PLEKHB2: variants seen among roughly 807,000 people sequenced by gnomAD.
PLEKHB2 encodes the protein pleckstrin homology domain containing B2, also known as pleckstrin homology domain-containing family B member 2.
Under a neutral mutation model 36.5 loss-of-function variants are expected in PLEKHB2, and 31 were observed. That is an observed-to-expected ratio of 0.85 (90% confidence interval 0.64 to 1.15). The LOEUF is 1.15. Among genes scored for constraint, PLEKHB2 ranks in the 50% most tolerant of loss-of-function variants. The probability of loss-of-function intolerance (pLI) is 0.00; values close to 1 mark genes in which losing one functional copy is unlikely to be tolerated. For missense variants in PLEKHB2, 262 were observed against 295.3 expected, an observed-to-expected ratio of 0.89 and a Z score of 0.83; for synonymous variants, 119 against 112.0, an observed-to-expected ratio of 1.06 and a Z score of -0.39.
chr2:131,109,672 A>C (rs1203732856), intron 1 of PLEKHB2, among the ~76,000 whole-genome samples: 2 of 152,102 alleles, frequency 1.3e-5, no homozygotes, highest in Admixed American at 1.3e-4. Flanking sequence ...CCTGGGCAAC[A>C]AGAGCGAAAC....
chr2:131,123,766 A>AACCCCCCCC (rs1559070767), intron 2 of PLEKHB2, among the ~76,000 whole-genome samples: 1 of 11,530 alleles, frequency 8.7e-5, no homozygotes, highest in Admixed American at 8.6e-4. Flanking sequence ...CTCCTGGTCC[A>AACCCCCCCC]CCCCCCCCAC....
At chr2:131,117,441 T>A (rs1433078973) in intron 1 of PLEKHB2, among the ~76,000 whole-genome samples, 1 of 152,146 alleles carries the variant, frequency 6.6e-6, no homozygotes, top group Non-Finnish European at 1.5e-5. Flanking sequence ...ATTAGAAATG[T>A]AAAGAAATTG....
intron 1 of PLEKHB2, 39 bp from the exon 2 acceptor site, chr2:131,120,893 TTC>T (rs1290104128): frequency 6.2e-7 from 1 of 1,600,288 alleles, no homozygotes; most frequent in Admixed American, 1.7e-5. Context: ...GCTATTCTCT[TTC>T]TGGGTATGAT....
intron 2 of PLEKHB2, among the ~76,000 whole-genome samples, chr2:131,121,899 T>C (rs1183711227): frequency 1.3e-5 from 2 of 151,140 alleles, no homozygotes; most frequent in East Asian, 3.9e-4. Context: ...ATACTGTGTT[T>C]TATTTTTATT....
intron 7 of PLEKHB2, among the ~76,000 whole-genome samples, chr2:131,145,952 G>A (rs1699243128): frequency 6.6e-6 from 1 of 152,130 alleles, no homozygotes; most frequent in African/African-American, 2.4e-5. Flanking sequence ...GGAGGCCGAC[G>A]CGGGTGGATT....
intron 4 of PLEKHB2, among the ~76,000 whole-genome samples, chr2:131,127,898 G>A (rs908368876): frequency 6.6e-6 from 1 of 152,200 alleles, no homozygotes; most frequent in African/African-American, 2.4e-5. Flanking sequence ...GCAGAGGCTG[G>A]ACGGTTCTCC....
At chr2:131,111,560 G>A (rs1695335768) in intron 1 of PLEKHB2, among the ~76,000 whole-genome samples, 2 of 145,340 alleles carry the variant, frequency 1.4e-5, no homozygotes, top group East Asian at 2.1e-4. Flanking sequence ...GCACTATCTC[G>A]GCTCACTGCA....
At chr2:131,138,932 G>C (rs1698522776) in intron 6 of PLEKHB2, among the ~76,000 whole-genome samples, 1 of 152,166 alleles carries the variant, frequency 6.6e-6, no homozygotes, top group Non-Finnish European at 1.5e-5. Flanking sequence ...CCCCCACTCA[G>C]TCTTATTTGA....
At chr2:131,137,752 A>G (rs924923928) in intron 6 of PLEKHB2, among the ~76,000 whole-genome samples, 12 of 151,792 alleles carry the variant, frequency 7.9e-5, no homozygotes, top group Non-Finnish European at 1.3e-4. Flanking sequence ...CATTGATTCT[A>G]TTCTTTTATT....
At chr2:131,114,270 C>A (rs1450168260) in intron 1 of PLEKHB2, among the ~76,000 whole-genome samples, 1 of 152,068 alleles carries the variant, frequency 6.6e-6, no homozygotes. Flanking sequence ...GGACTACAGG[C>A]GCCCGCCCCC....
Position 131,125,492 on chromosome 2 carries a change from G to A in PLEKHB2, c.38-261G>A, listed in dbSNP as rs116736799. 2.7e-3 allele frequency among the ~76,000 whole-genome samples: 407 copies of A among 152,284 alleles called. 1 individual carries two copies. Among genetic ancestry groups the A allele is most frequent in the African/African-American group, 8.6e-3 (357 of 41,560 alleles). ...GAAGAGTTCTTTTTGTTTCTGCTGTGAATTAGAGGACTATGTCCTTGCTCT... is the reference window on the plus strand; with the variant it reads ...GAAGAGTTCTTTTTGTTTCTGCTGTAAATTAGAGGACTATGTCCTTGCTCT... On this transcript the variant is annotated intron_variant, in intron 2 of 7. Transcript: ENST00000693505.
intron 1 of PLEKHB2, chr2:131,119,081 C>T (rs1180919518): frequency 6.6e-6 from 1 of 151,116 alleles, no homozygotes; most frequent in Non-Finnish European, 1.5e-5. Flanking sequence ...ATGGTGAAAC[C>T]CCGTCTTTGC....
intron 6 of PLEKHB2, among the ~76,000 whole-genome samples, chr2:131,134,928 A>G (rs892683969): frequency 1.8e-4 from 28 of 152,170 alleles, no homozygotes; most frequent in African/African-American, 6.5e-4. Flanking sequence ...TAAAAATCCC[A>G]TACATGTTTT....
intron 6 of PLEKHB2, among the ~76,000 whole-genome samples, chr2:131,135,876 A>G (rs1167941921): frequency 6.6e-6 from 1 of 152,010 alleles, no homozygotes; most frequent in African/African-American, 2.4e-5. Flanking sequence ...CCAGAGTGCT[A>G]GGAATACAGG....
At chr2:131,127,595 G>A (rs1296513630) in intron 4 of PLEKHB2, among the ~76,000 whole-genome samples, 1 of 152,206 alleles carries the variant, frequency 6.6e-6, no homozygotes, top group African/African-American at 2.4e-5. Flanking sequence ...GAAAGATGGT[G>A]AAATGGATTA....
chr2:131,112,759 G>A (rs1278895321), intron 1 of PLEKHB2, among the ~76,000 whole-genome samples: 2 of 152,076 alleles, frequency 1.3e-5, no homozygotes, highest in Non-Finnish European at 2.9e-5. Context: ...TTATCAGCTT[G>A]TCTGGAAACT....
chr2:131,131,907 C>G (rs1697745404), intron 5 of PLEKHB2, among the ~76,000 whole-genome samples: 1 of 151,876 alleles, frequency 6.6e-6, no homozygotes, highest in Admixed American at 6.6e-5. Context: ...GATCTCGGCT[C>G]ACTGCAACCT....
chr2:131,140,099 A>T (rs1698631651), intron 6 of PLEKHB2, 68 bp from the exon 7 acceptor site: 1 of 902,422 alleles, frequency 1.1e-6, no homozygotes, highest in Admixed American at 2.7e-5. Context: ...TGCAACCTGG[A>T]GACCACAATT....
chr2:131,128,169 T>C (rs1304521613), intron 4 of PLEKHB2, among the ~76,000 whole-genome samples: 1 of 152,156 alleles, frequency 6.6e-6, no homozygotes, highest in Non-Finnish European at 1.5e-5. Context: ...TGGACTGAGG[T>C]AGAACAGGGT....
Sources: allele counts gnomAD v4.1 joint callset (sites outside exome capture counted in the v4.1 genomes callset), GRCh38; gene constraint gnomAD v4.1.1; transcripts MANE v1.5; gene names NCBI Gene and HGNC (gene_info 2026-07-23, HGNC 2026-07-21).